Variants in KIAA1210 observed in about 807,000 individuals in gnomAD.
KIAA1210 encodes the protein acrosomal protein KIAA1210.
KIAA1210 carries 48 observed loss-of-function variants against 78.9 expected under a neutral mutation model. The ratio of observed to expected loss-of-function variants is 0.61; its 90% CI spans 0.48 to 0.77. The LOEUF is 0.77. KIAA1210 is among the 30% of genes least tolerant of loss of function. The pLI is 0.00. For missense variants in KIAA1210, 1,108 were observed against 1,100.0 expected (o/e 1.01, Z -0.10); for synonymous variants, 406 against 404.5 (o/e 1.00, Z -0.04).
intron 5 of KIAA1210, 123 bp downstream of exon 5, chrX:119,108,214 C>T: frequency 1.6e-6 from 1 of 613,100 alleles, no homozygotes; most frequent in African/African-American, 2.3e-5. Flanking sequence ...GAAAAGAAGG[C>T]CCAGAGAAGT....
intron 2 of KIAA1210, among the ~76,000 whole-genome samples, chrX:119,146,593 CTG>C (rs774433910): frequency 8.9e-6 from 1 of 112,004 alleles, no homozygotes; most frequent in Non-Finnish European, 1.9e-5. Context: ...TTGTAAATAA[CTG>C]AAAGAAAAAA....
At chrX:119,137,481 T>C (rs1928940787) in intron 2 of KIAA1210, among the ~76,000 whole-genome samples, 1 of 112,613 alleles carries the variant, frequency 8.9e-6, no homozygotes, top group African/African-American at 3.2e-5. Flanking sequence ...GCCCGAGTCA[T>C]AGCCCCTCTT....
chrX:119,114,636 T>C (rs948315656), intron 3 of KIAA1210, among the ~76,000 whole-genome samples: 1 of 112,337 alleles, frequency 8.9e-6, no homozygotes, highest in Non-Finnish European at 1.9e-5. Flanking sequence ...CTCTGCTTTT[T>C]GCAGAAAAAG....
At chrX:119,117,310 A>T (rs5957113) in intron 2 of KIAA1210, among the ~76,000 whole-genome samples, 1 of 110,921 alleles carries the variant, frequency 9.0e-6, no homozygotes, top group East Asian at 2.9e-4. Flanking sequence ...CTGCCCAGGC[A>T]AAGAAGCTGC....
rs767773911 is a variant in KIAA1210, at chrX:119,108,954, T to G, written c.357+122A>C. 1.0e-5 allele frequency: 7 copies of G among 678,824 alleles called. No individual in the cohort carries two copies. The East Asian group carries it at 2.0e-4, about 20-fold the overall frequency. The allele number at this position is 678,824 out of a possible 1,213,427, so 55.9% of individuals were successfully genotyped here. On this transcript the variant is annotated intron_variant, in intron 4 of 11. Coordinates refer to ENST00000691062, the MANE Select transcript of KIAA1210 (RefSeq NM_001394962.1). ...TCACTCAAGGCTTACAACAGCCCTGTGGGGGTAGGATCAGCTGAGAAGCAG... is the reference window on the plus strand; with the variant it reads ...TCACTCAAGGCTTACAACAGCCCTGGGGGGGTAGGATCAGCTGAGAAGCAG...
chrX:119,147,141 G>T (rs1206443671), intron 2 of KIAA1210, among the ~76,000 whole-genome samples: 4 of 110,973 alleles, frequency 3.6e-5, no homozygotes, highest in African/African-American at 1.3e-4. Context: ...TAGGTATGCC[G>T]CAAGGTCTCG....
chrX:119,109,877 C>T (rs1299991975), intron 3 of KIAA1210, among the ~76,000 whole-genome samples: 1 of 111,707 alleles, frequency 9.0e-6, no homozygotes, highest in African/African-American at 3.3e-5. Flanking sequence ...ACCTCCCTTC[C>T]CCAAGCTTGC....
rs1927229697 is a variant in KIAA1210, at chrX:119,088,276, A to G, written c.2426T>C (p.Leu809Pro). The G allele has an allele frequency of 9.1e-6, 11 of 1,209,918 alleles. No individual in the cohort carries two copies. The highest frequency in any genetic ancestry group is 1.8e-5 in the African/African-American group (1 of 57,136). Residue 809 changes from leucine (L) to proline (P), a missense_variant, in exon 9 of 12, where the codon CTT becomes CCT. This residue lies in a region of KIAA1210 where 672 missense variants were observed against 607.1 expected (regional missense o/e 1.11). Transcript: ENST00000691062. ...AGGATTCATCAAGGGCTGGCAAAGA[A>G]GTTTAGGAGGCAGAGGCTTCATAGA... ...SISMKPLPPK[L>P]LCQPLMNPKV... is the part of the protein sequence containing the mutation.
At chrX:119,102,738 C>T (rs1290589670) in intron 6 of KIAA1210, among the ~76,000 whole-genome samples, 1 of 111,717 alleles carries the variant, frequency 9.0e-6, no homozygotes, top group Non-Finnish European at 1.9e-5. Context: ...AGCATTTATC[C>T]TGCAATGTGA....
chrX:119,110,919 CT>C (rs61691431), intron 3 of KIAA1210, among the ~76,000 whole-genome samples: 4,892 of 99,569 alleles, frequency 0.049, 271 homozygotes, highest in African/African-American at 0.16. Flanking sequence ...TTCATGCTGG[CT>C]TTTTTTTTTT....
In KIAA1210 at chrX:119,104,985, T is replaced by C. The variant is rs1927844566; in HGVS notation, c.648+7A>G. 8.3e-7 allele frequency: 1 copy of C among 1,204,202 alleles called. No homozygotes were observed. The highest frequency in any genetic ancestry group is 1.8e-5 in the African/African-American group (1 of 56,727). On this transcript the variant is annotated splice_region_variant and intron_variant, in intron 6 of 11. Coordinates refer to ENST00000691062, the MANE Select transcript of KIAA1210 (RefSeq NM_001394962.1). Reference sequence around the variant, plus strand: ...GCCCCTCAACCTGTCCCTTAATATATACTCACCTGAGTCGCTGTCAAACTC... The same window carrying C: ...GCCCCTCAACCTGTCCCTTAATATACACTCACCTGAGTCGCTGTCAAACTC...
At chrX:119,146,906 A>T (rs1929180705) in intron 2 of KIAA1210, among the ~76,000 whole-genome samples, 2 of 111,052 alleles carry the variant, frequency 1.8e-5, no homozygotes, top group Admixed American at 1.9e-4. Flanking sequence ...GAAAAAAAAA[A>T]CAGGAAAGAA....
chrX:119,130,325 G>A (rs770934374), upstream of KIAA1210, among the ~76,000 whole-genome samples: 57 of 112,427 alleles, frequency 5.1e-4, no homozygotes, highest in African/African-American at 1.8e-3. Flanking sequence ...CACAGGTTGT[G>A]CACTTGGCTT....
Position 119,150,387 on chromosome X carries a change from C to A in KIAA1210, c.193G>T (p.Glu65Ter). 3 of 1,211,005 alleles carry A rather than the reference C, an allele frequency of 2.5e-6. No individual in the cohort carries two copies. The highest frequency in any genetic ancestry group is 3.4e-6 in the Non-Finnish European group (3 of 895,058). ...TCAGTCACTGCAGCTGGGCCAAGCT[C>A]CCCCTTGGTGCTTCCCTCCTTCTTG... Residue 65 changes from glutamate to a stop codon, truncating the protein, a stop_gained, in exon 1 of 14, where the codon GAG (glutamate) becomes TAG (stop). Coordinates refer to the KIAA1210 transcript ENST00000402510. LOFTEE classifies it high-confidence loss of function.
At chrX:119,135,278 GACCCGAA>G (rs772752799) in intron 2 of KIAA1210, among the ~76,000 whole-genome samples, 58 of 112,148 alleles carry the variant, frequency 5.2e-4, no homozygotes, top group African/African-American at 1.8e-3. Context: ...TCTATTACAT[GACCCGAA>G]AATAGAATAG....
rs1926922938 is a variant in KIAA1210, at chrX:119,080,757, C to T, written c.*572G>A. The T allele has an allele frequency of 8.9e-6, 1 of 112,260 alleles. No homozygotes were observed. Among genetic ancestry groups the T allele is most frequent in the Non-Finnish European group, 1.9e-5 (1 of 53,284 alleles). The allele number at this position is 112,260 out of a possible 1,213,427, so 9.3% of individuals were successfully genotyped here. On this transcript the variant is annotated 3_prime_UTR_variant, in exon 12 of 12. Transcript: ENST00000691062. Reference sequence around the variant, plus strand: ...GAAATGCTGGGTTTCTGGGTGCTGGCAGTGACTACGTGGAAGGTTAAGCAT... The same window carrying T: ...GAAATGCTGGGTTTCTGGGTGCTGGTAGTGACTACGTGGAAGGTTAAGCAT...
Position 119,089,610 on chromosome X carries a change from T to G in KIAA1210, c.1092A>C (p.Lys364Asn), listed in dbSNP as rs772345694. 1 of 1,211,824 alleles carries G rather than the reference T, an allele frequency of 8.3e-7. No homozygotes were observed. The highest frequency in any genetic ancestry group is 3.0e-5 in the East Asian group (1 of 33,862). ...SAAYGRRWRR[K>N]GASVSGLSGC... Reference sequence around the variant, plus strand: ...CACTCAATCCTGAAACACTTGCTCCTTTTCTTCTCCATCTTCTTCCATATG... The same window carrying G: ...CACTCAATCCTGAAACACTTGCTCCGTTTCTTCTCCATCTTCTTCCATATG... Residue 364 changes from lysine to asparagine, a missense_variant, in exon 9 of 12, where the codon AAA (lysine) becomes AAC (asparagine). Transcript: ENST00000691062.
chrX:119,086,468 T>TA (rs1408716159), intron 9 of KIAA1210, 78 bp downstream of exon 9: 32 of 947,848 alleles, frequency 3.4e-5, no homozygotes, highest in Non-Finnish European at 4.5e-5. Flanking sequence ...GAATAGACTT[T>TA]AATGCCCATT....
intron 2 of KIAA1210, among the ~76,000 whole-genome samples, chrX:119,136,883 G>A (rs753207432): frequency 3.2e-4 from 36 of 110,775 alleles, no homozygotes; most frequent in African/African-American, 8.9e-4. Context: ...AGGTTCTCTA[G>A]CCCCAAATCT....
Sources: allele counts gnomAD v4.1 joint callset (sites outside exome capture counted in the v4.1 genomes callset), GRCh38; gene constraint gnomAD v4.1.1; regional missense constraint gnomAD v4.1.1; transcripts MANE v1.5; gene names NCBI Gene and HGNC (gene_info 2026-07-23, HGNC 2026-07-21).